PROSER1: variants seen among roughly 807,000 people sequenced by gnomAD.
PROSER1 encodes proline and serine rich 1, also known as proline and serine-rich protein 1.
In PROSER1, 36 loss-of-function variants were observed where a neutral mutation model predicts 71.8. The ratio of observed to expected loss-of-function variants is 0.50; its 90% CI spans 0.38 to 0.66. PROSER1 has a LOEUF of 0.66. Among genes scored for constraint, PROSER1 ranks in the 30% least tolerant of loss-of-function variants. PROSER1 has a pLI of 0.00. For synonymous variants in PROSER1, 490 were observed against 452.4 expected (o/e 1.08, Z -1.06); for missense variants, 1,107 against 1,135.0 (o/e 0.98, Z 0.35).
At chr13:39,027,929 T>A (rs1870621115) in intron 5 of PROSER1, among the ~76,000 whole-genome samples, 1 of 152,120 alleles carries the variant, frequency 6.6e-6, no homozygotes, top group Admixed American at 6.6e-5. Context: ...ACATAAAGTT[T>A]AAAGCAAAAA....
chr13:39,030,667 A>T (rs945037096), intron 3 of PROSER1, among the ~76,000 whole-genome samples: 1 of 152,050 alleles, frequency 6.6e-6, no homozygotes, highest in Non-Finnish European at 1.5e-5. Flanking sequence ...GCCTCAAGCG[A>T]TTCTCCTATC....
chr13:39,012,850 G>A lies in PROSER1; in HGVS notation c.2402C>T (p.Pro801Leu). ...CAGCCCCGGGAATGAGGGAAGAGCA[G>A]GGGTAACGCTTGGGGTATTAGAGAC... Reference protein sequence around the residue: ...FSVSNTPSVTPALPSFPGLQA... With the variant: ...FSVSNTPSVTLALPSFPGLQA... Residue 801 changes from proline (P) to leucine (L), a missense_variant, in exon 11 of 13, where the codon CCT (proline) becomes CTT (leucine). Transcript: ENST00000352251. 1 of 1,614,204 alleles carries A rather than the reference G, an allele frequency of 6.2e-7. No homozygotes were observed. Among genetic ancestry groups the A allele is most frequent in the Non-Finnish European group, 8.5e-7 (1 of 1,180,038 alleles).
intron 6 of PROSER1, among the ~76,000 whole-genome samples, chr13:39,025,751 T>C (rs1331071717): frequency 1.3e-5 from 2 of 152,122 alleles, no homozygotes; most frequent in African/African-American, 2.4e-5. Flanking sequence ...ATAAAAGCCA[T>C]GTGAGGTAAT....
rs1869853307 is a variant in PROSER1, at chr13:39,013,926, G to A, written c.1326C>T (p.Gly442=). The A allele has an allele frequency of 6.2e-7, 1 of 1,614,058 alleles. No homozygotes were observed. Among genetic ancestry groups the A allele is most frequent in the African/African-American group, 1.3e-5 (1 of 74,906 alleles). The stretch of plus-strand genomic sequence containing the variant: ...CAATTACAGGAGTCGGGTTGGATAG[G>A]CCTTGGGATGTTGGTGGTAAGGGCA... ...LPLPLPPTSQ[G]LSNPTPVIAG... The change falls in exon 11 of 13, where the codon GGC becomes GGT. Residue 442 remains glycine, a synonymous_variant. Transcript: ENST00000352251.
Position 39,013,323 on chromosome 13 carries a change from A to G in PROSER1, c.1929T>C (p.Tyr643=). The G allele has an allele frequency of 6.2e-7, 1 of 1,614,208 alleles. No individual in the cohort carries two copies. Among genetic ancestry groups the G allele is most frequent in the Non-Finnish European group, 8.5e-7 (1 of 1,180,036 alleles). The change falls in exon 11 of 13, where the codon TAT becomes TAC. Residue 643 remains tyrosine, a synonymous_variant. Coordinates refer to ENST00000352251, the MANE Select transcript of PROSER1 (RefSeq NM_025138.5). The part of the protein sequence containing the change: ...LGLSGTLGRA[Y]TSTSVPISLS... ...AACTGATGGGCACGGATGTTGAAGT[A>G]TATGCACGGCCCAATGTCCCTGACA...
At position 39,013,125 on chromosome 13, in the gene PROSER1, T is replaced by C; in HGVS notation, c.2127A>G (p.Leu709=). The change falls in exon 11 of 13, where the codon TTA becomes TTG. Residue 709 remains leucine (L), a synonymous_variant. Transcript: ENST00000352251. ...ACGGATTAAGAGATGGGTTGCCAGT[T>C]AAAGGAAAATTGTTGGTCAAAGAAG... is the stretch of plus-strand genomic sequence containing the variant. ...SFTSLTNNFP[L]TGNPSLNPSV... The C allele has an allele frequency of 6.2e-7, 1 of 1,614,002 alleles. No homozygotes were observed. The highest frequency in any genetic ancestry group is 8.5e-7 in the Non-Finnish European group (1 of 1,180,014).
At chr13:39,017,750 G>A (rs987561462) in intron 9 of PROSER1, 4 of 428,148 alleles carry the variant, frequency 9.3e-6, no homozygotes, top group Non-Finnish European at 8.1e-6. Flanking sequence ...TCTATCTGAA[G>A]AGCAAGAGGA....
intron 7 of PROSER1, 105 bp from the exon 8 acceptor site, chr13:39,023,235 C>T (rs941973514): frequency 1.7e-5 from 14 of 803,728 alleles, no homozygotes; most frequent in Admixed American, 1.1e-4. Context: ...AAAATGTCCC[C>T]GCATATCATA....
chr13:39,037,566 G>A lies in PROSER1; in HGVS notation c.-324C>T. 1 of 248,010 alleles carries A rather than the reference G, an allele frequency of 4.0e-6. No individual in the cohort carries two copies. Among genetic ancestry groups the A allele is most frequent in the Non-Finnish European group, 7.7e-6 (1 of 129,610 alleles). 15.4% of individuals were successfully genotyped at this position (248,010 alleles called of 1,614,324 possible). On this transcript the variant is annotated 5_prime_UTR_variant, in exon 1 of 13. Transcript: ENST00000352251. ...GCAGAAAAACCCGGGCTCGGCGGCA[G>A]GTTTGAGTGCGGTTTCCCTGCAGCT...
In PROSER1 at chr13:39,028,220, A is replaced by C. The variant is rs371044451; in HGVS notation, c.369+7T>G. 8 of 1,492,514 alleles carry C rather than the reference A, an allele frequency of 5.4e-6. No individual in the cohort carries two copies. The African/African-American group carries it at 8.3e-5, about 15-fold the overall frequency. The allele number at this position is 1,492,514 out of a possible 1,614,324, so 92.5% of individuals were successfully genotyped here. ...TACCAAGTACATGACAATCTTTAGA[A>C]AACTACCTGTTCAAGTATTCTCTTG... On this transcript the variant is annotated splice_region_variant and intron_variant, in intron 5 of 12. Transcript: ENST00000352251.
chr13:39,016,840 A>G (rs1307232116), intron 10 of PROSER1, among the ~76,000 whole-genome samples: 2 of 152,222 alleles, frequency 1.3e-5, no homozygotes, highest in African/African-American at 2.4e-5. Context: ...TCTCCCACTG[A>G]GACTCCTAAC....
rs762278937 is a variant in PROSER1, at chr13:39,028,331, A to G, written c.276-11T>C. On this transcript the variant is annotated splice_polypyrimidine_tract_variant and intron_variant, in intron 4 of 12. Coordinates refer to ENST00000352251, the MANE Select transcript of PROSER1 (RefSeq NM_025138.5). Reference sequence around the variant, plus strand: ...GCATCAATAATGTTCCTACCAAGAAAACACAATTTAGCTTTTTGTTTAAAA... The same window carrying G: ...GCATCAATAATGTTCCTACCAAGAAGACACAATTTAGCTTTTTGTTTAAAA... 13 of 1,504,342 alleles carry G rather than the reference A, an allele frequency of 8.6e-6. No individual in the cohort carries two copies. The African/African-American group carries it at 1.8e-4, about 21-fold the overall frequency. The allele number at this position is 1,504,342 out of a possible 1,614,324, so 93.2% of individuals were successfully genotyped here.
intron 10 of PROSER1, among the ~76,000 whole-genome samples, chr13:39,017,003 C>T (rs1566023404): frequency 6.6e-6 from 1 of 152,242 alleles, no homozygotes; most frequent in African/African-American, 2.4e-5. Flanking sequence ...TCTGGAGGCA[C>T]TATGTAGGAC....
intron 3 of PROSER1, among the ~76,000 whole-genome samples, chr13:39,031,244 C>T (rs1206040853): frequency 2.0e-5 from 3 of 152,292 alleles, no homozygotes; most frequent in Admixed American, 2.0e-4. Flanking sequence ...AATAACTCTT[C>T]TAAGACTAAA....
chr13:39,024,437 G>T, intron 7 of PROSER1, 36 bp downstream of exon 7: 1 of 1,419,746 alleles, frequency 7.0e-7, no homozygotes, highest in Non-Finnish European at 9.8e-7. Context: ...TATGTAGGAA[G>T]GAGTTTGGGC....
intron 7 of PROSER1, 86 bp downstream of exon 7, chr13:39,024,387 C>T (rs563730490): frequency 7.1e-6 from 7 of 986,808 alleles, no homozygotes; most frequent in Admixed American, 7.1e-5. Flanking sequence ...AACTTTGCAA[C>T]ACAAAAATAA....
At chr13:39,022,303 A>G (rs767499303) in intron 9 of PROSER1, 23 bp downstream of exon 9, 4 of 1,499,700 alleles carry the variant, frequency 2.7e-6, no homozygotes, top group Non-Finnish European at 3.7e-6. Flanking sequence ...AAGTTACTTA[A>G]ACACCCCCAA....
At chr13:39,028,812 C>CA (rs1370064473) in intron 4 of PROSER1, among the ~76,000 whole-genome samples, 14 of 152,026 alleles carry the variant, frequency 9.2e-5, no homozygotes, top group Non-Finnish European at 5.9e-5. Context: ...TTTGAGCTTA[C>CA]ATTCATTACG....
intron 9 of PROSER1, among the ~76,000 whole-genome samples, chr13:39,019,507 ACT>A (rs1323364609): frequency 1.5e-5 from 2 of 136,066 alleles, no homozygotes; most frequent in East Asian, 4.4e-4. Context: ...CAAGAGCAAA[ACT>A]CTGTCTCAAA....
Sources: gnomAD v4.1 joint callset for allele counts (sites outside exome capture counted in the v4.1 genomes callset) on GRCh38, gnomAD v4.1.1 for gene constraint, MANE v1.5 for transcripts, NCBI Gene and HGNC (gene_info 2026-07-23, HGNC 2026-07-21) for gene names.